The following CCSER1 variants were observed in gnomAD, a reference collection of about 807,000 sequenced individuals.
The protein encoded by CCSER1 is serine-rich coiled-coil domain-containing protein 1.
In CCSER1, 41 loss-of-function variants were observed where a neutral mutation model predicts 82.0. The ratio of observed to expected loss-of-function variants is 0.50; its 90% CI spans 0.39 to 0.65. The LOEUF (loss-of-function observed/expected upper bound fraction) is 0.65. CCSER1 is among the 30% of genes least tolerant of loss of function. The pLI is 0.00. For synonymous variants in CCSER1, 414 were observed against 383.9 expected (o/e 1.08, Z -0.92); for missense variants, 1,119 against 1,064.2 (o/e 1.05, Z -0.72).
At chr4:90,216,021 G>A (rs1740948979) in intron 1 of CCSER1, among the ~76,000 whole-genome samples, 1 of 152,142 alleles carries the variant, frequency 6.6e-6, no homozygotes, top group Non-Finnish European at 1.5e-5. Flanking sequence ...GAAAAATTCT[G>A]ATGGATAAAA....
chr4:91,554,780 A>G (rs555669804), intron 10 of CCSER1, among the ~76,000 whole-genome samples: 2 of 151,456 alleles, frequency 1.3e-5, no homozygotes, highest in Non-Finnish European at 3.0e-5. Flanking sequence ...CTGATTTTAG[A>G]ATATATCCTA....
chr4:91,412,867 C>G (rs1250129717), intron 10 of CCSER1, among the ~76,000 whole-genome samples: 1 of 151,924 alleles, frequency 6.6e-6, no homozygotes, highest in African/African-American at 2.4e-5. Context: ...CAGGAGCTAA[C>G]CCTAAAGAAG....
intron 1 of CCSER1, among the ~76,000 whole-genome samples, chr4:90,152,791 T>A (rs1282475575): frequency 6.6e-6 from 1 of 151,890 alleles, no homozygotes; most frequent in African/African-American, 2.4e-5. Context: ...CTGTAGATGA[T>A]GGGAGGTGCT....
intron 5 of CCSER1, among the ~76,000 whole-genome samples, chr4:90,512,686 C>A (rs1352254372): frequency 6.6e-6 from 1 of 151,970 alleles, no homozygotes; most frequent in South Asian, 2.1e-4. Context: ...AAAATGATAC[C>A]TTTGTACTTG....
At chr4:90,995,694 A>G (rs1053741129) in intron 9 of CCSER1, among the ~76,000 whole-genome samples, 6 of 152,090 alleles carry the variant, frequency 3.9e-5, no homozygotes, top group African/African-American at 1.4e-4. Flanking sequence ...ATAGCACAAT[A>G]ACATAATTAA....
chr4:90,327,868 A>G (rs1003213441), intron 3 of CCSER1, among the ~76,000 whole-genome samples: 12 of 152,022 alleles, frequency 7.9e-5, no homozygotes, highest in South Asian at 4.2e-4. Context: ...GACTTTGCCA[A>G]TTTTCTTTTT....
At chr4:90,849,622 T>C (rs564334959) in intron 8 of CCSER1, among the ~76,000 whole-genome samples, 1 of 151,768 alleles carries the variant, frequency 6.6e-6, no homozygotes, top group Admixed American at 6.6e-5. Context: ...ACTCCGTCTC[T>C]ACTAAAAATA....
chr4:90,964,030 CAAG>C (rs758061154), intron 9 of CCSER1, among the ~76,000 whole-genome samples: 8 of 152,026 alleles, frequency 5.3e-5, no homozygotes, highest in Non-Finnish European at 1.0e-4. Flanking sequence ...TATTTTAATG[CAAG>C]AAGAACTCTT....
chr4:90,594,167 C>T (rs937565173), intron 5 of CCSER1, among the ~76,000 whole-genome samples: 1 of 151,710 alleles, frequency 6.6e-6, no homozygotes, highest in Non-Finnish European at 1.5e-5. Context: ...CAAGCTCAAA[C>T]CAACTTAAGA....
intron 7 of CCSER1, among the ~76,000 whole-genome samples, chr4:90,813,962 C>G (rs1239302731): frequency 2.0e-5 from 3 of 152,174 alleles, no homozygotes; most frequent in African/African-American, 7.2e-5. Context: ...ACTGCCCTAG[C>G]AGAGGTTCTC....
Position 90,224,053 on chromosome 4 carries a change from C to G in CCSER1, c.-41-84191C>G, listed in dbSNP as rs573827042. 5.3e-5 allele frequency among the ~76,000 whole-genome samples: 8 copies of G among 152,224 alleles called. No individual in the cohort carries two copies. In the East Asian group the frequency reaches 1.5e-3, roughly 29 times the overall value. On this transcript the variant is annotated intron_variant, in intron 1 of 10. Coordinates refer to ENST00000509176, the MANE Select transcript of CCSER1 (RefSeq NM_001145065.2). Reference sequence around the variant, plus strand: ...AATGTAAGTGCATATTGCCCTAGTACTCTTTTCAGTCAATATTTTCTTCAT... The same window carrying G: ...AATGTAAGTGCATATTGCCCTAGTAGTCTTTTCAGTCAATATTTTCTTCAT...
chr4:90,529,617 T>G (rs1774238902), intron 5 of CCSER1, among the ~76,000 whole-genome samples: 1 of 152,196 alleles, frequency 6.6e-6, no homozygotes, highest in Non-Finnish European at 1.5e-5. Flanking sequence ...ATTTAATCAC[T>G]TAAGAATGGT....
At chr4:90,156,867 A>G (rs1237405700) in intron 1 of CCSER1, among the ~76,000 whole-genome samples, 1 of 152,208 alleles carries the variant, frequency 6.6e-6, no homozygotes, top group African/African-American at 2.4e-5. Flanking sequence ...CATTTAGTCC[A>G]GTTACATTTA....
At chr4:90,357,354 C>A (rs62312891) in intron 3 of CCSER1, among the ~76,000 whole-genome samples, 44,145 of 151,462 alleles carry the variant, frequency 0.29, 6,566 homozygotes, top group East Asian at 0.44. Context: ...AGTCTTTTTG[C>A]GTGATTTTTT....
intron 1 of CCSER1, among the ~76,000 whole-genome samples, chr4:90,270,288 C>A (rs922413913): frequency 1.3e-5 from 2 of 152,036 alleles, no homozygotes; most frequent in African/African-American, 2.4e-5. Context: ...AAACTGAATT[C>A]AGCAACACAT....
chr4:91,406,757 C>T (rs1206050230), intron 10 of CCSER1, among the ~76,000 whole-genome samples: 3 of 151,962 alleles, frequency 2.0e-5, no homozygotes, highest in African/African-American at 7.2e-5. Flanking sequence ...AAATATTCTG[C>T]TTTTATTATA....
intron 10 of CCSER1, among the ~76,000 whole-genome samples, chr4:91,264,357 A>G (rs1022600288): frequency 6.6e-6 from 1 of 151,848 alleles, no homozygotes; most frequent in African/African-American, 2.4e-5. Context: ...TAGGTACTTC[A>G]TAATCTTTCT....
chr4:90,889,973 A>G (rs1327937925), intron 8 of CCSER1, among the ~76,000 whole-genome samples: 1 of 152,162 alleles, frequency 6.6e-6, no homozygotes, highest in Non-Finnish European at 1.5e-5. Context: ...TAAATATTGC[A>G]GGCATAAAGA....
intron 10 of CCSER1, among the ~76,000 whole-genome samples, chr4:91,261,737 A>G (rs1375404454): frequency 6.9e-6 from 1 of 144,022 alleles, no homozygotes; most frequent in African/African-American, 2.6e-5. Flanking sequence ...GAAAACAACA[A>G]CAGTGAACCA....
Sources: gnomAD v4.1 joint callset for allele counts (sites outside exome capture counted in the v4.1 genomes callset) on GRCh38, gnomAD v4.1.1 for gene constraint, MANE v1.5 for transcripts, NCBI Gene and HGNC (gene_info 2026-07-23, HGNC 2026-07-21) for gene names.